The following TENM2 variants were observed in gnomAD, a reference collection of about 807,000 sequenced individuals.
TENM2 encodes teneurin-2.
TENM2 carries 52 observed loss-of-function variants against 245.2 expected under a neutral mutation model. The observed-to-expected ratio is 0.21, with a 90% CI of 0.17 to 0.27. The LOEUF (loss-of-function observed/expected upper bound fraction) is 0.27. Among genes scored for constraint, TENM2 ranks in the 10% least tolerant of loss-of-function variants. The probability of loss-of-function intolerance (pLI) is 1.00; values close to 1 mark genes in which losing one functional copy is unlikely to be tolerated. For missense variants in TENM2, 3,046 were observed against 3,666.8 expected (o/e 0.83, Z 4.37); for synonymous variants, 1,363 against 1,438.9 (o/e 0.95, Z 1.19).
intron 12 of TENM2, chr5:168,130,435 G>A (rs1754473636): frequency 1.3e-5 from 2 of 152,204 alleles, no homozygotes; most frequent in African/African-American, 4.8e-5. Context: ...CACAATTCAT[G>A]TGTATCTTTG....
chr5:167,284,339 T>C (rs1045003505), upstream of TENM2, among the ~76,000 whole-genome samples: 4 of 152,204 alleles, frequency 2.6e-5, no homozygotes, highest in Non-Finnish European at 5.9e-5. Context: ...CTTTGCCTTT[T>C]GTTTATTTTT....
the TENM2 span, among the ~76,000 whole-genome samples, chr5:167,212,149 T>G: frequency 1.3e-5 from 2 of 152,116 alleles, no homozygotes. Flanking sequence ...GGAGACCATA[T>G]TTGAAATTAC....
rs1029315801 is a variant in TENM2, at chr5:168,255,184, C to T, written c.7433-5099C>T. On this transcript the variant is annotated intron_variant, in intron 27 of 28. Transcript: ENST00000518659. ...GGTATACAGATGAAGTATTAAGTAA[C>T]AAAAAAACACAGATGGGGAGAGATA... 3.9e-5 allele frequency among the ~76,000 whole-genome samples: 6 copies of T among 152,278 alleles called. No homozygotes were observed. In the East Asian group the frequency reaches 9.6e-4, roughly 24 times the overall value.
chr5:168,133,435 C>G (rs1754765448), intron 12 of TENM2, among the ~76,000 whole-genome samples: 1 of 152,190 alleles, frequency 6.6e-6, no homozygotes, highest in African/African-American at 2.4e-5. Context: ...CTGTCCATTT[C>G]TAGGATTTCA....
In TENM2 at chr5:168,123,166, A is replaced by G. The variant is rs116008542; in HGVS notation, c.2009-1684A>G. Among the ~76,000 whole-genome samples, 967 of 152,074 alleles carry G rather than the reference A, an allele frequency of 6.4e-3. 14 individuals carry two copies. The highest frequency in any genetic ancestry group is 0.031 in the Middle Eastern group (9 of 294). On this transcript the variant is annotated intron_variant, in intron 10 of 28. Transcript: ENST00000518659. ...AAAAAAAACATAGCTGGACATGGCA[A>G]TGTGTGTCCGTGGTCCTAACTAGTT...
At chr5:167,063,432 T>C in the TENM2 span, among the ~76,000 whole-genome samples, 2 of 152,222 alleles carry the variant, frequency 1.3e-5, no homozygotes, top group African/African-American at 4.8e-5. Context: ...CCCTTGGAGA[T>C]TCCTATTTAG....
intron 2 of TENM2, among the ~76,000 whole-genome samples, chr5:167,565,190 A>G (rs2127648697): frequency 6.6e-6 from 1 of 152,360 alleles, no homozygotes; most frequent in Non-Finnish European, 1.5e-5. Flanking sequence ...AAGGCTATTA[A>G]GCTTCCAGGG....
At chr5:168,238,887 TA>T (rs1312264170) in intron 25 of TENM2, among the ~76,000 whole-genome samples, 11 of 152,244 alleles carry the variant, frequency 7.2e-5, no homozygotes, top group Admixed American at 5.2e-4. Flanking sequence ...ATGGCTTCCT[TA>T]CAAACACAAA....
chr5:167,396,586 C>T (rs1349442366), intron 2 of TENM2, among the ~76,000 whole-genome samples: 2 of 152,104 alleles, frequency 1.3e-5, no homozygotes, highest in African/African-American at 4.8e-5. Flanking sequence ...AGCAGTGAAG[C>T]ATCATGCTGT....
chr5:168,002,249 G>A (rs1354567003), intron 5 of TENM2, among the ~76,000 whole-genome samples: 1 of 152,184 alleles, frequency 6.6e-6, no homozygotes, highest in Non-Finnish European at 1.5e-5. Context: ...ATTTGAGTTA[G>A]GTCATTTGTG....
intron 4 of TENM2, among the ~76,000 whole-genome samples, chr5:167,972,573 TA>T (rs1187997577): frequency 6.6e-6 from 1 of 152,220 alleles, no homozygotes; most frequent in Non-Finnish European, 1.5e-5. Flanking sequence ...ATTCAAAAGT[TA>T]AATTCCTGGA....
the TENM2 span, among the ~76,000 whole-genome samples, chr5:167,158,993 G>A: frequency 3.6e-5 from 5 of 140,538 alleles, no homozygotes; most frequent in Admixed American, 7.5e-5. Context: ...TCACTCTGTC[G>A]CCCAGGCTGG....
At chr5:167,859,382 G>A (rs1771456967) in intron 2 of TENM2, among the ~76,000 whole-genome samples, 7 of 146,018 alleles carry the variant, frequency 4.8e-5, no homozygotes, top group Admixed American at 4.1e-4. Context: ...GGGAGGTGGG[G>A]GGGGTCAGCC....
chr5:167,263,210 A>T, the TENM2 span, among the ~76,000 whole-genome samples: 1 of 152,114 alleles, frequency 6.6e-6, no homozygotes, highest in Non-Finnish European at 1.5e-5. Flanking sequence ...ATGAGCGCTT[A>T]CTCTGTTAAG....
the TENM2 span, among the ~76,000 whole-genome samples, chr5:167,211,716 G>C: frequency 6.6e-6 from 1 of 151,998 alleles, no homozygotes; most frequent in Non-Finnish European, 1.5e-5. Context: ...GGTAGCCCCA[G>C]GCATTGACTG....
intron 1 of TENM2, among the ~76,000 whole-genome samples, chr5:167,321,592 G>A (rs560815867): frequency 2.6e-5 from 4 of 152,122 alleles, no homozygotes; most frequent in Non-Finnish European, 4.4e-5. Flanking sequence ...CAGCGGTTAG[G>A]TGGTTTGCTA....
the TENM2 span, among the ~76,000 whole-genome samples, chr5:167,190,849 A>G: frequency 2.0e-5 from 3 of 152,060 alleles, no homozygotes; most frequent in African/African-American, 4.8e-5. Flanking sequence ...TTTCCTTTCT[A>G]TTATTATTCA....
intron 1 of TENM2, among the ~76,000 whole-genome samples, chr5:167,344,266 ACACATG>A (rs1446855070): frequency 2.1e-5 from 3 of 146,144 alleles, no homozygotes; most frequent in Non-Finnish European, 4.5e-5. Flanking sequence ...GAATACACAA[ACACATG>A]CACGTGCACG....
chr5:168,154,146 T>TAA (rs1562223601), intron 12 of TENM2, among the ~76,000 whole-genome samples: 1 of 75,750 alleles, frequency 1.3e-5, no homozygotes, highest in African/African-American at 6.0e-5. Context: ...ATCACCTACT[T>TAA]TAAAAAAAAA....
Sources: gnomAD v4.1 joint callset for allele counts (sites outside exome capture counted in the v4.1 genomes callset) on GRCh38, gnomAD v4.1.1 for gene constraint, MANE v1.5 for transcripts, NCBI Gene and HGNC (gene_info 2026-07-23, HGNC 2026-07-21) for gene names.